Variants in PRR16 observed in about 807,000 individuals in gnomAD.
PRR16 encodes proline rich 16, also known as protein Largen.
PRR16 carries 6 observed loss-of-function variants against 18.2 expected under a neutral mutation model. That is an observed-to-expected ratio of 0.33 (90% CI 0.18 to 0.65). The LOEUF (loss-of-function observed/expected upper bound fraction) is 0.65, where lower values mean the gene tolerates loss of function less well. PRR16 is among the 30% of genes least tolerant of loss of function. The pLI is 0.74. For missense variants in PRR16, 412 were observed against 376.6 expected, an observed-to-expected ratio of 1.09 and a Z score of -0.78; for synonymous variants, 151 against 147.8, an observed-to-expected ratio of 1.02 and a Z score of -0.16.
chr5:120,780,938 T>C, the PRR16 span, among the ~76,000 whole-genome samples: 1 of 152,042 alleles, frequency 6.6e-6, no homozygotes, highest in African/African-American at 2.4e-5. Flanking sequence ...TAATCCCAGC[T>C]ACTTGGGAGG....
chr5:120,646,561 A>G (rs969397463), intron 1 of PRR16, among the ~76,000 whole-genome samples: 1 of 152,016 alleles, frequency 6.6e-6, no homozygotes, highest in African/African-American at 2.4e-5. Context: ...GAAATGCATG[A>G]TTTTTTAGCT....
At chr5:120,515,684 T>C (rs1394343982) in intron 1 of PRR16, among the ~76,000 whole-genome samples, 1 of 152,232 alleles carries the variant, frequency 6.6e-6, no homozygotes, top group Non-Finnish European at 1.5e-5. Context: ...ATATAATCTA[T>C]ACTTGTATGT....
At chr5:120,509,765 A>G (rs1750761699) in intron 1 of PRR16, among the ~76,000 whole-genome samples, 1 of 152,196 alleles carries the variant, frequency 6.6e-6, no homozygotes, top group African/African-American at 2.4e-5. Context: ...GTGAATATCA[A>G]GGCAATTCAT....
At chr5:120,522,738 T>A (rs1300663049) in intron 1 of PRR16, among the ~76,000 whole-genome samples, 16 of 152,120 alleles carry the variant, frequency 1.1e-4, no homozygotes, top group Admixed American at 1.0e-3. Context: ...CCTGAGTAAC[T>A]GGGACTACAG....
chr5:120,685,718 A>G (rs528961460), intron 1 of PRR16, among the ~76,000 whole-genome samples: 15 of 152,298 alleles, frequency 9.8e-5, no homozygotes, highest in African/African-American at 1.4e-4. Context: ...GAATGTATAT[A>G]TAAATCATAT....
chr5:120,771,950 CTG>C, the PRR16 span, among the ~76,000 whole-genome samples: 1 of 151,704 alleles, frequency 6.6e-6, no homozygotes, highest in African/African-American at 2.4e-5. Flanking sequence ...TGTTTAAAAA[CTG>C]GAATAAAAGA....
At chr5:120,762,411 A>G in the PRR16 span, among the ~76,000 whole-genome samples, 2 of 152,150 alleles carry the variant, frequency 1.3e-5, no homozygotes, top group Admixed American at 1.3e-4. Context: ...GTAGGGTAAG[A>G]TAATATATTA....
chr5:120,537,581 T>C (rs1254005514), intron 1 of PRR16, among the ~76,000 whole-genome samples: 2 of 111,054 alleles, frequency 1.8e-5, no homozygotes, highest in East Asian at 6.4e-4. Flanking sequence ...CCCACACCAA[T>C]TGCTATTAAG....
chr5:120,715,935 C>A, the PRR16 span, among the ~76,000 whole-genome samples: 1 of 152,106 alleles, frequency 6.6e-6, no homozygotes, highest in African/African-American at 2.4e-5. Context: ...CTAGAAAAAT[C>A]TCTCTCCTTC....
chr5:120,760,155 G>A, the PRR16 span, among the ~76,000 whole-genome samples: 1 of 152,098 alleles, frequency 6.6e-6, no homozygotes, highest in Non-Finnish European at 1.5e-5. Context: ...GCAAATGAAT[G>A]GTGGATGATT....
chr5:120,548,749 C>T (rs147169440), intron 1 of PRR16, among the ~76,000 whole-genome samples: 192 of 108,406 alleles, frequency 1.8e-3, no homozygotes, highest in African/African-American at 6.0e-3. Context: ...ATTGTGAAGG[C>T]GTCTGACTTG....
chr5:120,595,899 G>A (rs1469833871), intron 1 of PRR16, among the ~76,000 whole-genome samples: 2 of 151,574 alleles, frequency 1.3e-5, no homozygotes, highest in Admixed American at 6.6e-5. Context: ...TATTTCTATC[G>A]TTAAAATTAC....
chr5:120,650,905 T>C (rs994124775), intron 1 of PRR16, among the ~76,000 whole-genome samples: 14 of 152,222 alleles, frequency 9.2e-5, no homozygotes, highest in African/African-American at 3.4e-4. Flanking sequence ...ATCGCCACAC[T>C]GACTTCCACA....
chr5:120,692,263 A>G (rs114508885), downstream of PRR16, among the ~76,000 whole-genome samples: 575 of 152,302 alleles, frequency 3.8e-3, 7 homozygotes, highest in Middle Eastern at 3.4e-3. Flanking sequence ...TGCTATGGTA[A>G]CAAATAACCC....
chr5:120,584,837 T>G (rs1753388775), intron 1 of PRR16, among the ~76,000 whole-genome samples: 1 of 152,188 alleles, frequency 6.6e-6, no homozygotes, highest in Admixed American at 6.5e-5. Flanking sequence ...TACTTTCATA[T>G]GTTATCTTAT....
rs543497637 is a variant in PRR16 at position 120,584,666 on chromosome 5, A to G, written c.160-101288A>G. Among the ~76,000 whole-genome samples the G allele has an allele frequency of 2.6e-5, 4 of 152,198 alleles. No individual in the cohort carries two copies. The South Asian group carries it at 8.3e-4, about 31-fold the overall frequency. ...TATAATGGACTAAGAGATATTTTGT[A>G]TGGGTTGTGAATAACCCATGATCAA... On this transcript the variant is annotated intron_variant, in intron 1 of 1. Transcript: ENST00000407149.
intron 1 of PRR16, among the ~76,000 whole-genome samples, chr5:120,492,255 A>AGTGTGTGT (rs3991307): frequency 5.8e-5 from 8 of 138,062 alleles, no homozygotes; most frequent in African/African-American, 1.9e-4. Context: ...CGCTAATTTG[A>AGTGTGTGT]GTGTGTGTGT....
the PRR16 span, among the ~76,000 whole-genome samples, chr5:120,786,138 T>G: frequency 6.6e-6 from 1 of 151,940 alleles, no homozygotes; most frequent in East Asian, 1.9e-4. Context: ...TATGTTGAAT[T>G]TTATTGTTTT....
chr5:120,506,274 T>A (rs1050792064), intron 1 of PRR16, among the ~76,000 whole-genome samples: 1 of 151,984 alleles, frequency 6.6e-6, no homozygotes, highest in Admixed American at 6.6e-5. Context: ...CACATATATC[T>A]TTTTTTAAGG....
Sources: allele counts gnomAD v4.1 joint callset (sites outside exome capture counted in the v4.1 genomes callset), GRCh38; gene constraint gnomAD v4.1.1; transcripts MANE v1.5; gene names NCBI Gene and HGNC (gene_info 2026-07-23, HGNC 2026-07-21).